Variants in CHODL observed in about 807,000 individuals in gnomAD.
CHODL encodes the protein transmembrane protein MT75.
Under a neutral mutation model 34.5 loss-of-function variants are expected in CHODL, and 29 were observed. The observed-to-expected ratio is 0.84, with a 90% CI of 0.63 to 1.15. CHODL has a LOEUF of 1.15. Ranked by LOEUF, CHODL falls within the 50% of genes most tolerant of loss-of-function variation. The pLI, the probability that CHODL is intolerant of heterozygous loss-of-function variation, is 0.00. For synonymous variants in CHODL, 125 were observed against 116.1 expected, an observed-to-expected ratio of 1.08 and a Z score of -0.49; for missense variants, 332 against 332.5, an observed-to-expected ratio of 1.00 and a Z score of 0.01.
At chr21:18,074,735 C>A (rs2064844962) in intron 2 of CHODL, among the ~76,000 whole-genome samples, 1 of 152,024 alleles carries the variant, frequency 6.6e-6, no homozygotes, top group South Asian at 2.1e-4. Flanking sequence ...AAAAATTAAT[C>A]CACTCCTGGG....
At chr21:18,216,864 CAT>C (rs1389220979) in intron 2 of CHODL, among the ~76,000 whole-genome samples, 1 of 152,112 alleles carries the variant, frequency 6.6e-6, no homozygotes. Flanking sequence ...ATAAGAACAG[CAT>C]GGGGGAAACC....
chr21:18,131,114 G>A (rs1032723976), intron 2 of CHODL, among the ~76,000 whole-genome samples: 20 of 151,842 alleles, frequency 1.3e-4, no homozygotes, highest in Non-Finnish European at 2.4e-4. Flanking sequence ...GGAAGACAGA[G>A]AGAGAAAGAG....
intron 1 of CHODL, among the ~76,000 whole-genome samples, chr21:18,024,345 C>T (rs895664746): frequency 1.3e-5 from 2 of 152,072 alleles, no homozygotes; most frequent in African/African-American, 2.4e-5. Context: ...GTGGGCATAA[C>T]AGTGATGGAG....
At chr21:18,257,712 C>G (rs1366443050) in intron 3 of CHODL, among the ~76,000 whole-genome samples, 1 of 152,136 alleles carries the variant, frequency 6.6e-6, no homozygotes, top group Non-Finnish European at 1.5e-5. Flanking sequence ...CCTCAGTTAG[C>G]TTTCTTTTGA....
intron 1 of CHODL, among the ~76,000 whole-genome samples, chr21:17,930,738 G>A (rs1233718626): frequency 6.6e-6 from 1 of 152,164 alleles, no homozygotes; most frequent in Admixed American, 6.5e-5. Context: ...GGGGTCTGAG[G>A]TTGAACTAAT....
chr21:18,167,999 C>G (rs2053152356), intron 2 of CHODL, among the ~76,000 whole-genome samples: 1 of 152,172 alleles, frequency 6.6e-6, no homozygotes, highest in South Asian at 2.1e-4. Flanking sequence ...CATGAAAAGA[C>G]CAGACTGGCT....
intron 2 of CHODL, among the ~76,000 whole-genome samples, chr21:18,237,406 C>T (rs2074038434): frequency 6.6e-6 from 1 of 152,094 alleles, no homozygotes; most frequent in African/African-American, 2.4e-5. Context: ...ATGCAGGTTA[C>T]ATGGATTACT....
intron 2 of CHODL, among the ~76,000 whole-genome samples, chr21:18,030,629 T>G (rs2064236649): frequency 1.3e-5 from 2 of 152,126 alleles, no homozygotes; most frequent in Non-Finnish European, 2.9e-5. Context: ...AGGTTTCTGT[T>G]GGTTGCAATG....
intron 2 of CHODL, among the ~76,000 whole-genome samples, chr21:18,207,462 T>G (rs1380333337): frequency 6.6e-6 from 1 of 152,218 alleles, no homozygotes; most frequent in Non-Finnish European, 1.5e-5. Flanking sequence ...CAACTTTTAG[T>G]GTTTCTACTT....
chr21:18,017,410 G>A (rs889691812), intron 1 of CHODL, among the ~76,000 whole-genome samples: 4 of 152,194 alleles, frequency 2.6e-5, no homozygotes, highest in Admixed American at 2.6e-4. Context: ...CTTTCACCAT[G>A]TGAAGATGTG....
At chr21:18,211,433 A>G (rs2073773893) in intron 2 of CHODL, among the ~76,000 whole-genome samples, 1 of 152,200 alleles carries the variant, frequency 6.6e-6, no homozygotes, top group Non-Finnish European at 1.5e-5. Context: ...CAAATTAAAA[A>G]CAATCAATGG....
At position 18,156,391 on chromosome 21, in the gene CHODL, A is replaced by G. The variant is rs546673556; in HGVS notation, c.-44-100118A>G. On this transcript the variant is annotated intron_variant, in intron 2 of 6. Transcript: ENST00000400127. ...CATTCAAGGAATCTTTGCCCAGCCC[A>G]ATGTCGTGAAGTATACATGAATACA... is the stretch of plus-strand genomic sequence containing the variant. 5.4e-4 allele frequency among the ~76,000 whole-genome samples: 83 copies of G among 152,318 alleles called. 2 individuals carry two copies. Among genetic ancestry groups the G allele is most frequent in the Middle Eastern group, 6.8e-3 (2 of 294 alleles).
intron 1 of CHODL, among the ~76,000 whole-genome samples, chr21:17,963,649 A>G (rs527417914): frequency 3.9e-5 from 6 of 152,222 alleles, no homozygotes; most frequent in Non-Finnish European, 7.3e-5. Context: ...GATTATAGGA[A>G]CTACAATTCA....
intron 2 of CHODL, among the ~76,000 whole-genome samples, chr21:18,204,137 T>C (rs562604239): frequency 2.3e-4 from 35 of 152,234 alleles, no homozygotes; most frequent in African/African-American, 6.3e-4. Context: ...TCTATTGTTA[T>C]ACATTTTTAA....
intron 2 of CHODL, among the ~76,000 whole-genome samples, chr21:18,158,838 T>TAAAAAA (rs11423104): frequency 1.6e-5 from 2 of 121,216 alleles, no homozygotes; most frequent in Admixed American, 8.8e-5. Flanking sequence ...AACTCCGTCT[T>TAAAAAA]AAAAAAAAAA....
intron 1 of CHODL, among the ~76,000 whole-genome samples, chr21:18,005,697 A>G (rs1009023846): frequency 5.9e-5 from 9 of 152,136 alleles, no homozygotes; most frequent in Non-Finnish European, 1.3e-4. Flanking sequence ...CTTGACTATC[A>G]CTGGTTCCAG....
At chr21:18,141,838 G>A (rs2072807201) in intron 2 of CHODL, among the ~76,000 whole-genome samples, 2 of 152,038 alleles carry the variant, frequency 1.3e-5, no homozygotes, top group South Asian at 4.1e-4. Context: ...GAATCAGGAA[G>A]CGTGTCAAGA....
At chr21:18,248,373 CAG>C (rs1200622596) in intron 1 of CHODL, among the ~76,000 whole-genome samples, 2 of 151,284 alleles carry the variant, frequency 1.3e-5, no homozygotes, top group South Asian at 4.2e-4. Flanking sequence ...AAAATGATGA[CAG>C]TGCAGTTTTC....
At chr21:18,064,750 C>CT (rs2064710427) in intron 2 of CHODL, among the ~76,000 whole-genome samples, 2 of 151,860 alleles carry the variant, frequency 1.3e-5, no homozygotes, top group Non-Finnish European at 2.9e-5. Context: ...TCTCTCTCTC[C>CT]GCACACACAC....
Sources: gnomAD v4.1 joint callset for allele counts (sites outside exome capture counted in the v4.1 genomes callset) on GRCh38, gnomAD v4.1.1 for gene constraint, MANE v1.5 for transcripts, NCBI Gene and HGNC (gene_info 2026-07-23, HGNC 2026-07-21) for gene names.